UTRN: variants seen among roughly 807,000 people sequenced by gnomAD.
The protein encoded by UTRN is utrophin, also known as dystrophin-related protein 1.
Under a neutral mutation model 463.9 loss-of-function variants are expected in UTRN, and 283 were observed. The observed-to-expected ratio is 0.61, with a 90% CI of 0.55 to 0.67. UTRN has a LOEUF of 0.67. Ranked by LOEUF, UTRN falls within the 30% of genes least tolerant of loss-of-function variation. The pLI is 0.00. For synonymous variants in UTRN, 1,442 were observed against 1,431.5 expected (o/e 1.01, Z -0.17); for missense variants, 3,922 against 4,084.3 (o/e 0.96, Z 1.08).
chr6:144,579,783 TG>T (rs1288218856), intron 51 of UTRN, among the ~76,000 whole-genome samples: 2 of 152,156 alleles, frequency 1.3e-5, no homozygotes, highest in Non-Finnish European at 2.9e-5. Flanking sequence ...CTCTTTTGGC[TG>T]GTAGAAAGTA....
chr6:144,367,665 C>T (rs1040846320), intron 2 of UTRN, among the ~76,000 whole-genome samples: 6 of 152,052 alleles, frequency 3.9e-5, no homozygotes, highest in Non-Finnish European at 7.4e-5. Flanking sequence ...ATAAATTCTA[C>T]GAGCTTTTAT....
rs530090138 is a variant in UTRN at position 144,748,487 on chromosome 6, G to A, written c.8181G>A (p.Ser2727=). The stretch of plus-strand genomic sequence containing the variant: ...CCGTGGGAGACTTACTCATTGACTC[G>A]CTGCAGGATCACATTGAAAAAATCA... The part of the protein sequence containing the change: ...WKPVGDLLID[S]LQDHIEKIMA... Residue 2727 remains serine, a synonymous_variant, in exon 55 of 75, where the codon TCG becomes TCA. Transcript: ENST00000367545. The A allele has an allele frequency of 9.9e-6, 16 of 1,613,506 alleles. No individual in the cohort carries two copies. The highest frequency in any genetic ancestry group is 1.1e-5 in the Non-Finnish European group (13 of 1,179,800).
At chr6:144,341,493 A>G (rs947292152) in intron 2 of UTRN, among the ~76,000 whole-genome samples, 2 of 152,178 alleles carry the variant, frequency 1.3e-5, no homozygotes, top group African/African-American at 4.8e-5. Context: ...AATAATTACT[A>G]TTCTCCCAGT....
chr6:144,493,913 G>T (rs1000336541), intron 33 of UTRN, among the ~76,000 whole-genome samples: 1 of 152,206 alleles, frequency 6.6e-6, no homozygotes, highest in African/African-American at 2.4e-5. Context: ...TGAGGTGGGA[G>T]AGCTGCTTGA....
At chr6:144,542,007 T>A (rs982296032) in intron 45 of UTRN, among the ~76,000 whole-genome samples, 3 of 152,300 alleles carry the variant, frequency 2.0e-5, no homozygotes, top group Admixed American at 6.5e-5. Flanking sequence ...AGAGATGAGA[T>A]CCTGGAGGAC....
chr6:144,380,770 C>T (rs1225859920), intron 2 of UTRN, among the ~76,000 whole-genome samples: 1 of 152,044 alleles, frequency 6.6e-6, no homozygotes, highest in Non-Finnish European at 1.5e-5. Flanking sequence ...TATGATTGTG[C>T]CATTGCACTC....
chr6:144,702,049 CT>C (rs35797336), intron 53 of UTRN, among the ~76,000 whole-genome samples: 1 of 152,136 alleles, frequency 6.6e-6, no homozygotes, highest in East Asian at 1.9e-4. Flanking sequence ...ACAGTAGTCC[CT>C]TTTTGTGGGT....
At chr6:144,650,586 A>G (rs1358719542) in intron 51 of UTRN, among the ~76,000 whole-genome samples, 1 of 152,204 alleles carries the variant, frequency 6.6e-6, no homozygotes, top group Non-Finnish European at 1.5e-5. Flanking sequence ...GATGTGATGA[A>G]TATTTTATTA....
chr6:144,758,113 G>T, intron 58 of UTRN, 124 bp downstream of exon 58: 1 of 718,716 alleles, frequency 1.4e-6, no homozygotes. Context: ...AAGAAACTGT[G>T]ATATAGTTAA....
chr6:144,448,518 A>C, intron 16 of UTRN, 82 bp from the exon 17 acceptor site: 1 of 1,493,508 alleles, frequency 6.7e-7, no homozygotes. Context: ...TGTGTATTTC[A>C]AAGAAAGAAT....
intron 2 of UTRN, among the ~76,000 whole-genome samples, chr6:144,334,989 A>G (rs1776614200): frequency 6.6e-6 from 1 of 152,248 alleles, no homozygotes; most frequent in South Asian, 2.1e-4. Flanking sequence ...CTAAAAGTGA[A>G]TACAGACCAA....
At chr6:144,293,657 AT>A (rs1804439477) in intron 2 of UTRN, among the ~76,000 whole-genome samples, 1 of 152,150 alleles carries the variant, frequency 6.6e-6, no homozygotes, top group South Asian at 2.1e-4. Context: ...TGGTTAGATC[AT>A]TATTTCCCAA....
intron 2 of UTRN, among the ~76,000 whole-genome samples, chr6:144,310,050 C>T (rs1427808545): frequency 2.0e-5 from 3 of 152,236 alleles, no homozygotes. Flanking sequence ...ATAGCACTTA[C>T]TGGATTATGC....
Position 144,391,929 on chromosome 6 carries a change from T to C in UTRN, c.80-11194T>C, listed in dbSNP as rs1009549031. 5.9e-5 allele frequency among the ~76,000 whole-genome samples: 9 copies of C among 152,348 alleles called. No individual in the cohort carries two copies. The South Asian group carries it at 1.0e-3, about 18-fold the overall frequency. On this transcript the variant is annotated intron_variant, in intron 2 of 74. Transcript: ENST00000367545. ...TGCTGGGATTACAGGCGTGAGCCAC[T>C]GTGCCCGACAGCTCTGTGTCCTTTT... is the stretch of plus-strand genomic sequence containing the variant.
chr6:144,558,842 G>A (rs923824522), intron 50 of UTRN, among the ~76,000 whole-genome samples: 1 of 151,996 alleles, frequency 6.6e-6, no homozygotes, highest in African/African-American at 2.4e-5. Flanking sequence ...AGAACAAAAG[G>A]CTATAACAAG....
intron 66 of UTRN, among the ~76,000 whole-genome samples, chr6:144,821,891 A>G (rs1237829781): frequency 6.6e-6 from 1 of 152,110 alleles, no homozygotes; most frequent in African/African-American, 2.4e-5. Context: ...CTAATCATCA[A>G]CAGAGTGCCC....
intron 54 of UTRN, among the ~76,000 whole-genome samples, chr6:144,731,978 C>T (rs1253050884): frequency 6.6e-6 from 1 of 151,858 alleles, no homozygotes; most frequent in Non-Finnish European, 1.5e-5. Context: ...TCTCATACCT[C>T]AGCTTCCCAT....
rs748612913 is a variant in UTRN, at chr6:144,426,368, A to G, written c.487A>G (p.Thr163Ala). ...EKILLSWVRQTTRPYSQVNVL... is the reference protein window; with the variant it reads ...EKILLSWVRQATRPYSQVNVL... ...GATCCTGCTCAGCTGGGTGCGTCAG[A>G]CCACCAGGCCCTACAGCCAAGTCAA... Residue 163 changes from threonine (T) to alanine (A), a missense_variant, in exon 7 of 75, where the codon ACC becomes GCC. By Grantham distance (58) the Thr-to-Ala change is moderately conservative. Transcript: ENST00000367545. The G allele has an allele frequency of 6.2e-7, 1 of 1,614,176 alleles. No homozygotes were observed. The highest frequency in any genetic ancestry group is 8.5e-7 in the Non-Finnish European group (1 of 1,180,026).
chr6:144,745,503 G>A (rs965666033), intron 54 of UTRN, among the ~76,000 whole-genome samples: 18 of 152,136 alleles, frequency 1.2e-4, no homozygotes, highest in Non-Finnish European at 1.9e-4. Context: ...AAAGTGATTC[G>A]TTGATATGTT....
Sources: gnomAD v4.1 joint callset for allele counts (sites outside exome capture counted in the v4.1 genomes callset) on GRCh38, gnomAD v4.1.1 for gene constraint, MANE v1.5 for transcripts, NCBI Gene and HGNC (gene_info 2026-07-23, HGNC 2026-07-21) for gene names.